The following NAA60 variants were observed in gnomAD, a reference collection of about 807,000 sequenced individuals.
The protein encoded by NAA60 is N-alpha-acetyltransferase 60.
A neutral mutation model predicts 26.1 loss-of-function variants in NAA60; 8 were observed. That is an observed-to-expected ratio of 0.31 (90% CI 0.18 to 0.55). NAA60 has a LOEUF of 0.55. Ranked by LOEUF, NAA60 falls within the 20% of genes least tolerant of loss-of-function variation. The pLI is 0.93. For synonymous variants in NAA60, 131 were observed against 122.5 expected (o/e 1.07, Z -0.46); for missense variants, 290 against 311.3 (o/e 0.93, Z 0.51).
intron 2 of NAA60, among the ~76,000 whole-genome samples, chr16:3,473,043 A>T (rs951451592): frequency 6.6e-6 from 1 of 150,692 alleles, no homozygotes; most frequent in Non-Finnish European, 1.5e-5. Context: ...GTTTCGTTTC[A>T]TTTCGTTTTT....
At chr16:3,478,596 C>T (rs2151010326) in intron 3 of NAA60, among the ~76,000 whole-genome samples, 1 of 152,318 alleles carries the variant, frequency 6.6e-6, no homozygotes, top group Admixed American at 6.5e-5. Context: ...GGCCTTTATG[C>T]CCACTGTTTT....
chr16:3,459,187 C>T (rs976314213), intron 2 of NAA60, among the ~76,000 whole-genome samples: 3 of 152,132 alleles, frequency 2.0e-5, no homozygotes, highest in Non-Finnish European at 4.4e-5. Context: ...AGATGTTTGC[C>T]TTTTACCAGG....
intron 1 of NAA60, among the ~76,000 whole-genome samples, chr16:3,446,748 T>C (rs1012060783): frequency 1.3e-5 from 2 of 151,728 alleles, no homozygotes; most frequent in African/African-American, 2.4e-5. Flanking sequence ...GTAGATGAGA[T>C]GATGGGCAGA....
intron 2 of NAA60, chr16:3,449,898 A>G: frequency 2.6e-6 from 1 of 390,966 alleles, no homozygotes; most frequent in Non-Finnish European, 4.5e-6. Flanking sequence ...CATGCCTTTT[A>G]CCTTCCACCG....
At chr16:3,475,796 G>GGGAT (rs2036442219) in intron 2 of NAA60, among the ~76,000 whole-genome samples, 1 of 152,362 alleles carries the variant, frequency 6.6e-6, no homozygotes, top group Non-Finnish European at 1.5e-5. Context: ...GCTTTGAAGG[G>GGGAT]GGATGAGGCA....
At position 3,485,081 on chromosome 16, in the gene NAA60, A is replaced by G. The variant is rs2037083298; in HGVS notation, c.*206+20A>G. 7.4e-7 allele frequency: 1 copy of G among 1,359,722 alleles called. No individual in the cohort carries two copies. The highest frequency in any genetic ancestry group is 2.0e-5 in the Admixed American group (1 of 50,480). The allele number at this position is 1,359,722 out of a possible 1,614,324, so 84.2% of individuals were successfully genotyped here. ...TGGCAGGTACGCCACAGCAGACACA[A>G]AGGTATGGGAGCTTGGTGCCTCCAG... On this transcript the variant is annotated intron_variant, in intron 7 of 7. Coordinates refer to ENST00000407558, the MANE Select transcript of NAA60 (RefSeq NM_001083601.3).
intron 2 of NAA60, among the ~76,000 whole-genome samples, chr16:3,467,222 C>T (rs962236582): frequency 3.3e-5 from 5 of 151,982 alleles, no homozygotes; most frequent in Non-Finnish European, 5.9e-5. Context: ...GAAGCTGAAG[C>T]GTGTGGCGGG....
Position 3,479,617 on chromosome 16 carries a change from A to T in NAA60, c.240+17A>T. On this transcript the variant is annotated intron_variant, in intron 4 of 7. Coordinates refer to ENST00000407558, the MANE Select transcript of NAA60 (RefSeq NM_001083601.3). ...CATAAAGAGGTACGTACGTGTGTGCAGTGAGGACTTGGCAGTCACTGTCAT... is the reference window on the plus strand; with the variant it reads ...CATAAAGAGGTACGTACGTGTGTGCTGTGAGGACTTGGCAGTCACTGTCAT... 6.2e-7 allele frequency: 1 copy of T among 1,613,190 alleles called. No homozygotes were observed. The highest frequency in any genetic ancestry group is 8.5e-7 in the Non-Finnish European group (1 of 1,179,432).
rs2036973838 is a variant in NAA60, at chr16:3,483,450, C to A, written c.425C>A (p.Thr142Asn). Residue 142 changes from threonine to asparagine, a missense_variant, in exon 6 of 8, where the codon ACC becomes AAC. By Grantham distance (65) the Thr-to-Asn change is moderately conservative. Coordinates refer to ENST00000407558, the MANE Select transcript of NAA60 (RefSeq NM_001083601.3). ...GCCATTTACCTGCATGTCCTCACCA[C>A]CAACAACACAGCAATAAACTTCTAT... Reference protein sequence around the residue: ...CKAIYLHVLTTNNTAINFYEN... With the variant: ...CKAIYLHVLTNNNTAINFYEN... The A allele has an allele frequency of 6.2e-7, 1 of 1,614,040 alleles. No homozygotes were observed. The highest frequency in any genetic ancestry group is 8.5e-7 in the Non-Finnish European group (1 of 1,179,896).
intron 1 of NAA60, among the ~76,000 whole-genome samples, chr16:3,445,550 C>G (rs1245601811): frequency 4.0e-5 from 6 of 151,834 alleles, no homozygotes. Context: ...GCTGGGATTA[C>G]AAGCGTGAGC....
intron 2 of NAA60, among the ~76,000 whole-genome samples, chr16:3,449,410 T>C (rs550609196): frequency 3.3e-5 from 5 of 151,950 alleles, no homozygotes; most frequent in Admixed American, 6.6e-5. Context: ...CCCAGCTACT[T>C]GGGAGGCTGA....
chr16:3,465,380 T>G (rs1425532465), intron 2 of NAA60, among the ~76,000 whole-genome samples: 3 of 134,556 alleles, frequency 2.2e-5, no homozygotes. Flanking sequence ...CGTTCTGTCC[T>G]TCTCTTGGGT....
At chr16:3,462,230 C>G (rs1163033323) in intron 2 of NAA60, among the ~76,000 whole-genome samples, 1 of 151,926 alleles carries the variant, frequency 6.6e-6, no homozygotes, top group Non-Finnish European at 1.5e-5. Context: ...ACACTGGGGC[C>G]CATCTTGAAA....
At position 3,460,338 on chromosome 16, in the gene NAA60, CTGTT is replaced by C. The variant is rs575289319; in HGVS notation, c.-7+11808_-7+11811del. On this transcript the variant is annotated intron_variant, in intron 2 of 7. Transcript: ENST00000407558. ...GAAGGAATCCACGAAGCCCTCATGA[CTGTT>C]TGTTTGTTTTTGTTTTTTTGTTGTC... 1.4e-3 allele frequency among the ~76,000 whole-genome samples: 214 copies of C among 152,260 alleles called. 4 individuals carry two copies. Among genetic ancestry groups the C allele is most frequent in the Admixed American group, 0.012 (188 of 15,282 alleles).
intron 2 of NAA60, among the ~76,000 whole-genome samples, chr16:3,470,809 C>G (rs183407554): frequency 6.6e-4 from 101 of 152,356 alleles, no homozygotes; most frequent in Non-Finnish European, 5.9e-5. Context: ...TACAGCCATG[C>G]TCTTTGACCC....
At chr16:3,459,658 C>G (rs911252055) in intron 2 of NAA60, among the ~76,000 whole-genome samples, 1 of 152,164 alleles carries the variant, frequency 6.6e-6, no homozygotes, top group Non-Finnish European at 1.5e-5. Context: ...ACTGAAGTTG[C>G]AGACACTGTG....
chr16:3,444,565 G>T (rs977413341), intron 1 of NAA60, among the ~76,000 whole-genome samples: 22 of 152,154 alleles, frequency 1.4e-4, no homozygotes, highest in African/African-American at 4.8e-4. Context: ...ATGAATGGCT[G>T]CATGGTTATT....
intron 2 of NAA60, among the ~76,000 whole-genome samples, chr16:3,475,256 A>G (rs985831403): frequency 9.9e-5 from 15 of 151,110 alleles, no homozygotes; most frequent in Non-Finnish European, 1.6e-4. Flanking sequence ...AGCCTGGTTA[A>G]TTTTTGTATT....
intron 2 of NAA60, among the ~76,000 whole-genome samples, chr16:3,449,517 C>T (rs1316777211): frequency 6.6e-6 from 1 of 150,780 alleles, no homozygotes; most frequent in Non-Finnish European, 1.5e-5. Context: ...GACTCTGTCT[C>T]AGAAAAAAAA....
Sources: allele counts gnomAD v4.1 joint callset (sites outside exome capture counted in the v4.1 genomes callset), GRCh38; gene constraint gnomAD v4.1.1; transcripts MANE v1.5; gene names NCBI Gene and HGNC (gene_info 2026-07-23, HGNC 2026-07-21).